The following CNTNAP5 variants were observed in gnomAD, a reference collection of about 807,000 sequenced individuals.
The protein encoded by CNTNAP5 is contactin associated protein family member 5.
A neutral mutation model predicts 150.2 loss-of-function variants in CNTNAP5; 72 were observed. The ratio of observed to expected loss-of-function variants is 0.48; its 90% CI spans 0.40 to 0.58. The LOEUF is 0.58. CNTNAP5 is among the 20% of genes least tolerant of loss of function. The pLI is 0.00. For synonymous variants in CNTNAP5, 672 were observed against 619.8 expected, an observed-to-expected ratio of 1.08 and a Z score of -1.25; for missense variants, 1,636 against 1,626.2, an observed-to-expected ratio of 1.01 and a Z score of -0.10.
chr2:124,299,435 T>A (rs55704436), intron 3 of CNTNAP5, among the ~76,000 whole-genome samples: 104,268 of 152,044 alleles, frequency 0.69, 36,099 homozygotes, highest in East Asian at 0.88. Flanking sequence ...GAGAATATGC[T>A]GTATTTGGTT....
chr2:124,611,978 T>C (rs1677393469), intron 12 of CNTNAP5, among the ~76,000 whole-genome samples: 1 of 152,230 alleles, frequency 6.6e-6, no homozygotes, highest in African/African-American at 2.4e-5. Flanking sequence ...CATGACTGGC[T>C]CAAGGTAAAT....
intron 8 of CNTNAP5, among the ~76,000 whole-genome samples, chr2:124,505,941 A>T (rs980226409): frequency 6.6e-6 from 1 of 152,202 alleles, no homozygotes; most frequent in Non-Finnish European, 1.5e-5. Flanking sequence ...CTACAATTTA[A>T]TTTAGATGCC....
intron 7 of CNTNAP5, among the ~76,000 whole-genome samples, chr2:124,484,603 A>C (rs1391019296): frequency 6.6e-6 from 1 of 152,184 alleles, no homozygotes; most frequent in African/African-American, 2.4e-5. Context: ...TATCATAATT[A>C]TTTTTATAGC....
intron 1 of CNTNAP5, among the ~76,000 whole-genome samples, chr2:124,206,570 G>A (rs1385014149): frequency 1.3e-5 from 2 of 152,154 alleles, no homozygotes; most frequent in Non-Finnish European, 2.9e-5. Flanking sequence ...GGGCCAGTGG[G>A]GGCAGTTGCA....
intron 1 of CNTNAP5, among the ~76,000 whole-genome samples, chr2:124,104,151 T>G (rs1683123413): frequency 6.6e-6 from 1 of 151,476 alleles, no homozygotes; most frequent in Non-Finnish European, 1.5e-5. Context: ...ACAACCAAAC[T>G]TCTTGACCAA....
intron 21 of CNTNAP5, among the ~76,000 whole-genome samples, chr2:124,880,385 C>T (rs1049541768): frequency 6.6e-6 from 1 of 152,090 alleles, no homozygotes; most frequent in African/African-American, 2.4e-5. Context: ...AATCATTCTA[C>T]CTAGGAAATT....
At chr2:124,666,412 C>G (rs912692696) in intron 13 of CNTNAP5, among the ~76,000 whole-genome samples, 1 of 152,154 alleles carries the variant, frequency 6.6e-6, no homozygotes, top group Non-Finnish European at 1.5e-5. Context: ...TAACCCTTGT[C>G]TGGCAGAGCC....
At chr2:124,351,612 C>T (rs566626276) in intron 3 of CNTNAP5, among the ~76,000 whole-genome samples, 50 of 151,980 alleles carry the variant, frequency 3.3e-4, no homozygotes, top group African/African-American at 7.3e-4. Context: ...ACAAAAGGAA[C>T]GAGGAAGCAG....
chr2:124,739,897 C>CT (rs554783007), intron 13 of CNTNAP5, among the ~76,000 whole-genome samples: 38,392 of 151,840 alleles, frequency 0.25, 5,514 homozygotes, highest in Non-Finnish European at 0.34. Context: ...CTCTGACTTC[C>CT]ATTACTCTTA....
chr2:124,294,285 A>G (rs1301494849), intron 3 of CNTNAP5, among the ~76,000 whole-genome samples: 1 of 143,648 alleles, frequency 7.0e-6, no homozygotes, highest in Admixed American at 7.1e-5. Flanking sequence ...GATAAATGCA[A>G]TAGCAATACA....
At chr2:124,675,568 C>G (rs2105062587) in intron 13 of CNTNAP5, among the ~76,000 whole-genome samples, 1 of 152,210 alleles carries the variant, frequency 6.6e-6, no homozygotes, top group South Asian at 2.1e-4. Flanking sequence ...TATTTTTAAA[C>G]AATCAAGTTT....
intron 12 of CNTNAP5, among the ~76,000 whole-genome samples, chr2:124,629,951 A>AAAAAAAAC (rs1422707257): frequency 3.2e-4 from 48 of 148,778 alleles, no homozygotes; most frequent in Non-Finnish European, 6.0e-4. Context: ...AAAAAAAAAA[A>AAAAAAAAC]AAAACTGGAA....
chr2:124,089,723 A>G (rs867444456), intron 1 of CNTNAP5, among the ~76,000 whole-genome samples: 1 of 152,236 alleles, frequency 6.6e-6, no homozygotes, highest in Non-Finnish European at 1.5e-5. Context: ...CTGCTCCCAT[A>G]AAAGGACTAT....
At chr2:124,511,361 G>C (rs1694584667) in intron 8 of CNTNAP5, among the ~76,000 whole-genome samples, 1 of 152,180 alleles carries the variant, frequency 6.6e-6, no homozygotes, top group South Asian at 2.1e-4. Context: ...AGAATCAAAA[G>C]AAACAGGCAT....
At chr2:124,419,148 A>AC (rs1486230780) in intron 4 of CNTNAP5, among the ~76,000 whole-genome samples, 28 of 136,326 alleles carry the variant, frequency 2.1e-4, no homozygotes, top group African/African-American at 6.6e-4. Context: ...CTCAAAAAAA[A>AC]AAAAAAAAAA....
chr2:124,429,387 A>G (rs1692317039), intron 4 of CNTNAP5, among the ~76,000 whole-genome samples: 1 of 152,240 alleles, frequency 6.6e-6, no homozygotes. Context: ...GAAAAAAATC[A>G]AGCAATAGTA....
At chr2:124,151,599 T>C (rs12615559) in intron 1 of CNTNAP5, among the ~76,000 whole-genome samples, 13,689 of 152,274 alleles carry the variant, frequency 0.09, 874 homozygotes, top group East Asian at 0.38. Flanking sequence ...CTCTGTTGTC[T>C]TTGTCATATG....
intron 1 of CNTNAP5, among the ~76,000 whole-genome samples, chr2:124,035,526 T>C (rs553992244): frequency 6.6e-6 from 1 of 152,280 alleles, no homozygotes; most frequent in South Asian, 2.1e-4. Flanking sequence ...CTTTTCAAAC[T>C]TTCCACTGAA....
At chr2:124,637,686 T>C (rs1260675752) in intron 12 of CNTNAP5, among the ~76,000 whole-genome samples, 1 of 152,186 alleles carries the variant, frequency 6.6e-6, no homozygotes. Context: ...CGTGTTGCTT[T>C]TCTAATTCTA....
Sources: allele counts gnomAD v4.1 joint callset (sites outside exome capture counted in the v4.1 genomes callset), GRCh38; gene constraint gnomAD v4.1.1; transcripts MANE v1.5; gene names NCBI Gene and HGNC (gene_info 2026-07-23, HGNC 2026-07-21).